The following SCG5 variants were observed in gnomAD, a reference collection of about 807,000 sequenced individuals.
The protein encoded by SCG5 is neuroendocrine protein 7B2.
In SCG5, 18 loss-of-function variants were observed where a neutral mutation model predicts 25.7. The ratio of observed to expected loss-of-function variants is 0.70; its 90% CI spans 0.48 to 1.04. The LOEUF (loss-of-function observed/expected upper bound fraction) is 1.04, where lower values mean the gene tolerates loss of function less well. SCG5 is among the 50% of genes least tolerant of loss of function. The pLI is 0.00. For missense variants in SCG5, 206 were observed against 259.8 expected, an observed-to-expected ratio of 0.79 and a Z score of 1.42; for synonymous variants, 101 against 91.7, an observed-to-expected ratio of 1.10 and a Z score of -0.58.
chr15:32,650,710 G>A (rs957344563), intron 2 of SCG5, among the ~76,000 whole-genome samples: 3 of 152,138 alleles, frequency 2.0e-5, no homozygotes, highest in East Asian at 1.9e-4. Flanking sequence ...ATGTGCTTTC[G>A]TTTTCAGAAC....
chr15:32,660,226 G>C (rs962579512), intron 2 of SCG5, among the ~76,000 whole-genome samples: 1 of 152,146 alleles, frequency 6.6e-6, no homozygotes, highest in Non-Finnish European at 1.5e-5. Context: ...CTGGGCTGTG[G>C]ACAGGCGAGA....
At chr15:32,688,958 CAAA>C (rs778404784) in intron 4 of SCG5, among the ~76,000 whole-genome samples, 1 of 46,408 alleles carries the variant, frequency 2.2e-5, no homozygotes, top group African/African-American at 5.6e-5. Flanking sequence ...GACTCCGTCT[CAAA>C]AAAAAAAAAA....
intron 2 of SCG5, among the ~76,000 whole-genome samples, chr15:32,648,467 C>T (rs912614089): frequency 6.6e-6 from 1 of 152,030 alleles, no homozygotes; most frequent in African/African-American, 2.4e-5. Flanking sequence ...GTGTCATCTC[C>T]GTAGTTACAA....
chr15:32,655,375 T>C (rs1480864087), intron 2 of SCG5, among the ~76,000 whole-genome samples: 1 of 152,142 alleles, frequency 6.6e-6, no homozygotes, highest in East Asian at 1.9e-4. Flanking sequence ...CAAAATGAAT[T>C]GGTCCACTTC....
chr15:32,679,588 G>A (rs936873926), intron 2 of SCG5, among the ~76,000 whole-genome samples, 178 bp from the exon 3 acceptor site: 1 of 152,334 alleles, frequency 6.6e-6, no homozygotes, highest in East Asian at 1.9e-4. Context: ...TATGTGTACA[G>A]TATGTGTCTG....
intron 2 of SCG5, among the ~76,000 whole-genome samples, chr15:32,661,476 C>T (rs558643941): frequency 2.3e-4 from 35 of 152,172 alleles, no homozygotes; most frequent in Admixed American, 1.8e-3. Flanking sequence ...CAAAATAAGC[C>T]GGTTGTGGTG....
In SCG5 at chr15:32,682,842, C is replaced by G. The variant is rs1222640160; in HGVS notation, c.377-1715C>G. Among the ~76,000 whole-genome samples, 3 of 152,162 alleles carry G rather than the reference C, an allele frequency of 2.0e-5. No homozygotes were observed. In the East Asian group the frequency reaches 5.8e-4, roughly 29 times the overall value. Reference sequence around the variant, plus strand: ...TCCTCTGAATCATGGCCCACTCACCCTGGATAGAGCAGCAGAGCTCAAAGA... The same window carrying G: ...TCCTCTGAATCATGGCCCACTCACCGTGGATAGAGCAGCAGAGCTCAAAGA... On this transcript the variant is annotated intron_variant, in intron 3 of 5. Transcript: ENST00000300175.
chr15:32,688,001 A>C (rs1029292638), intron 4 of SCG5, among the ~76,000 whole-genome samples: 6 of 152,212 alleles, frequency 3.9e-5, no homozygotes, highest in Admixed American at 6.5e-5. Context: ...CAATCTGCCC[A>C]TCCTTGTCAT....
rs188916063 is a variant in SCG5, at chr15:32,679,762, G to T, written c.227-4G>T. On this transcript the variant is annotated splice_region_variant and splice_polypyrimidine_tract_variant and intron_variant, in intron 2 of 5. Coordinates refer to ENST00000300175, the MANE Select transcript of SCG5 (RefSeq NM_001144757.3). ...GCAATGAACTACTTCTGATTCCCTC[G>T]CAGGTGGAGCTCATGAAGGACTTCA... 5.6e-6 allele frequency: 9 copies of T among 1,613,686 alleles called. No homozygotes were observed. Among genetic ancestry groups the T allele is most frequent in the Non-Finnish European group, 6.8e-6 (8 of 1,179,788 alleles).
intron 2 of SCG5, among the ~76,000 whole-genome samples, chr15:32,657,580 A>G (rs947150186): frequency 5.3e-5 from 8 of 152,138 alleles, no homozygotes; most frequent in Non-Finnish European, 8.8e-5. Flanking sequence ...CCAAACCAAA[A>G]GTGAAACCTG....
At chr15:32,677,770 T>G (rs2054554727) in intron 2 of SCG5, 1 of 152,188 alleles carries the variant, frequency 6.6e-6, no homozygotes, top group Non-Finnish European at 1.5e-5. Flanking sequence ...TTCTAAGAAA[T>G]GATCTGCTGT....
At position 32,643,731 on chromosome 15, in the gene SCG5, G is replaced by A; in HGVS notation, c.139G>A (p.Val47Ile). ...AGATATCCAGAGGCTGCTTCATGGTGTTATGGAGCAATTGGGCATTGCCAG... is the reference window on the plus strand; with the variant it reads ...AGATATCCAGAGGCTGCTTCATGGTATTATGGAGCAATTGGGCATTGCCAG... ...EADIQRLLHG[V>I]MEQLGIARPR... The change falls in exon 2 of 6, where the codon GTT (valine) becomes ATT (isoleucine). Residue 47 changes from valine (V) to isoleucine (I), a missense_variant. Coordinates refer to ENST00000300175, the MANE Select transcript of SCG5 (RefSeq NM_001144757.3). 1 of 1,613,918 alleles carries A rather than the reference G, an allele frequency of 6.2e-7. No homozygotes were observed. Among genetic ancestry groups the A allele is most frequent in the South Asian group, 1.1e-5 (1 of 91,076 alleles).
At chr15:32,652,134 C>T (rs992502556) in intron 2 of SCG5, among the ~76,000 whole-genome samples, 1 of 152,214 alleles carries the variant, frequency 6.6e-6, no homozygotes, top group South Asian at 2.1e-4. Context: ...CAGTGGTTAC[C>T]ACTGTCAGGA....
chr15:32,656,217 T>C (rs2054114203), intron 2 of SCG5: 1 of 152,224 alleles, frequency 6.6e-6, no homozygotes, highest in Non-Finnish European at 1.5e-5. Flanking sequence ...CTGGCAGATG[T>C]CCTCTCAGAC....
At chr15:32,664,406 A>G (rs1480626554) in intron 2 of SCG5, among the ~76,000 whole-genome samples, 2 of 152,184 alleles carry the variant, frequency 1.3e-5, no homozygotes, top group East Asian at 1.9e-4. Flanking sequence ...TCGTTTGTCC[A>G]TGGCTACAAA....
At chr15:32,657,209 A>ATATATATATATATATATATGTATG in intron 2 of SCG5, among the ~76,000 whole-genome samples, 793 of 38,732 alleles carry the variant, frequency 0.02, 213 homozygotes, top group Non-Finnish European at 0.04. Context: ...GTATATATAT[A>ATATATATATATATATATATGTATG]TATGTATGTA....
chr15:32,693,453 C>G (rs1433413016), intron 5 of SCG5, among the ~76,000 whole-genome samples: 1 of 152,210 alleles, frequency 6.6e-6, no homozygotes, highest in African/African-American at 2.4e-5. Flanking sequence ...AAGACCCATT[C>G]TCATGCCATA....
intron 2 of SCG5, among the ~76,000 whole-genome samples, chr15:32,648,123 T>A (rs2053973327): frequency 6.6e-6 from 1 of 152,238 alleles, no homozygotes; most frequent in South Asian, 2.1e-4. Flanking sequence ...CAGTCTTTTC[T>A]GTCTAAATGA....
chr15:32,643,505 G>T, intron 1 of SCG5, 81 bp from the exon 2 acceptor site: 6 of 1,139,150 alleles, frequency 5.3e-6, no homozygotes, highest in Non-Finnish European at 7.9e-6. Flanking sequence ...ACCACAACCT[G>T]GAGTGGTTGC....
Sources: gnomAD v4.1 joint callset for allele counts (sites outside exome capture counted in the v4.1 genomes callset) on GRCh38, gnomAD v4.1.1 for gene constraint, MANE v1.5 for transcripts, NCBI Gene and HGNC (gene_info 2026-07-23, HGNC 2026-07-21) for gene names.